The following NELL1 variants were observed in gnomAD, a reference collection of about 807,000 sequenced individuals.
NELL1 encodes the protein protein kinase C-binding protein NELL1.
A neutral mutation model predicts 107.4 loss-of-function variants in NELL1; 76 were observed. That is an observed-to-expected ratio of 0.71 (90% CI 0.59 to 0.86). NELL1 has a LOEUF of 0.86. Among genes scored for constraint, NELL1 ranks in the 40% least tolerant of loss-of-function variants. The pLI is 0.00. For synonymous variants in NELL1, 353 were observed against 341.2 expected, an observed-to-expected ratio of 1.03 and a Z score of -0.38; for missense variants, 1,024 against 1,005.5, an observed-to-expected ratio of 1.02 and a Z score of -0.25.
intron 12 of NELL1, among the ~76,000 whole-genome samples, chr11:21,068,599 A>G (rs1168256092): frequency 6.6e-6 from 1 of 152,176 alleles, no homozygotes; most frequent in Non-Finnish European, 1.5e-5. Context: ...GAAAACACAC[A>G]TAATACTTGA....
chr11:21,241,565 A>G (rs1052238882), intron 14 of NELL1, among the ~76,000 whole-genome samples: 2 of 152,112 alleles, frequency 1.3e-5, no homozygotes, highest in Non-Finnish European at 2.9e-5. Context: ...TAAGGCAACA[A>G]AGGATAAATT....
intron 12 of NELL1, among the ~76,000 whole-genome samples, chr11:21,005,160 C>T (rs1852302948): frequency 6.6e-6 from 1 of 152,104 alleles, no homozygotes; most frequent in South Asian, 2.1e-4. Flanking sequence ...ATTATATTTA[C>T]CAACATGAGT....
intron 15 of NELL1, among the ~76,000 whole-genome samples, chr11:21,396,218 G>A (rs543408360): frequency 5.9e-5 from 9 of 151,628 alleles, no homozygotes; most frequent in East Asian, 2.0e-4. Context: ...CACTAATCTC[G>A]TAGGACAGGA....
At chr11:21,018,007 C>T (rs1852608865) in intron 12 of NELL1, among the ~76,000 whole-genome samples, 1 of 152,062 alleles carries the variant, frequency 6.6e-6, no homozygotes, top group African/African-American at 2.4e-5. Flanking sequence ...GCTATTCCAT[C>T]TGCTGGGGAG....
intron 14 of NELL1, among the ~76,000 whole-genome samples, chr11:21,287,285 C>T (rs535232273): frequency 6.6e-6 from 1 of 152,190 alleles, no homozygotes; most frequent in South Asian, 2.1e-4. Context: ...TTGGTAACTT[C>T]CTAATTTCTC....
intron 15 of NELL1, among the ~76,000 whole-genome samples, chr11:21,426,050 A>G (rs1852814128): frequency 6.6e-6 from 1 of 152,188 alleles, no homozygotes; most frequent in Non-Finnish European, 1.5e-5. Flanking sequence ...CTGTTTATCT[A>G]TTGTGTAGGA....
intron 12 of NELL1, among the ~76,000 whole-genome samples, chr11:20,978,413 C>T (rs1851683768): frequency 6.6e-6 from 1 of 151,034 alleles, no homozygotes; most frequent in Non-Finnish European, 1.5e-5. Flanking sequence ...AATCCTAATC[C>T]AATATTATAT....
At chr11:20,988,694 C>G (rs545130389) in intron 12 of NELL1, among the ~76,000 whole-genome samples, 1 of 151,728 alleles carries the variant, frequency 6.6e-6, no homozygotes, top group East Asian at 2.0e-4. Flanking sequence ...GGGTTCACGC[C>G]ATTCTCCTGC....
rs376853881 is a variant in NELL1, at chr11:20,992,993, T to C, written c.1300+32433T>C. On this transcript the variant is annotated intron_variant, in intron 12 of 19. Coordinates refer to ENST00000357134, the MANE Select transcript of NELL1 (RefSeq NM_006157.5). The stretch of plus-strand genomic sequence containing the variant: ...CTCCCAAAGTGCAAAAGTGGCATTT[T>C]TGACCACCTTCTAGAAGCTTTGTGT... 6.6e-5 allele frequency among the ~76,000 whole-genome samples: 10 copies of C among 152,248 alleles called. No homozygotes were observed. In the East Asian group the frequency reaches 1.4e-3, roughly 21 times the overall value.
chr11:21,121,858 AC>A (rs1352112650), intron 13 of NELL1, among the ~76,000 whole-genome samples: 4 of 152,268 alleles, frequency 2.6e-5, no homozygotes, highest in Admixed American at 1.3e-4. Flanking sequence ...GTTTTTCCAG[AC>A]CAATTTTAGT....
intron 14 of NELL1, among the ~76,000 whole-genome samples, chr11:21,337,837 T>TTTCTTGCTTGCTTTCTTTCTTTC (rs71034505): frequency 1.2e-5 from 1 of 86,616 alleles, no homozygotes; most frequent in Non-Finnish European, 2.3e-5. Context: ...TCTTTCTTTC[T>TTTCTTGCTTGCTTTCTTTCTTTC]TTTCTTTCTT....
At chr11:21,143,586 C>T (rs190086478) in intron 13 of NELL1, among the ~76,000 whole-genome samples, 299 of 152,252 alleles carry the variant, frequency 2.0e-3, no homozygotes, top group African/African-American at 6.9e-3. Context: ...CTTCTTCAAA[C>T]ATAAATATAT....
At chr11:20,749,049 T>A (rs762423392) in intron 2 of NELL1, among the ~76,000 whole-genome samples, 5 of 151,946 alleles carry the variant, frequency 3.3e-5, no homozygotes, top group Non-Finnish European at 7.3e-5. Flanking sequence ...AGACAAAACC[T>A]CTACTCTCAT....
intron 2 of NELL1, among the ~76,000 whole-genome samples, chr11:20,706,933 A>G (rs1227428971): frequency 6.6e-6 from 1 of 152,110 alleles, no homozygotes; most frequent in Non-Finnish European, 1.5e-5. Context: ...CTGCCTTGTT[A>G]GGTTGGGGAA....
intron 18 of NELL1, among the ~76,000 whole-genome samples, chr11:21,572,371 T>C (rs1351329074): frequency 2.0e-5 from 3 of 150,604 alleles, no homozygotes; most frequent in African/African-American, 5.0e-5. Flanking sequence ...TTCAAGACTT[T>C]TCATGTGCCA....
intron 2 of NELL1, among the ~76,000 whole-genome samples, chr11:20,750,134 C>T (rs890475037): frequency 1.3e-5 from 2 of 152,038 alleles, no homozygotes; most frequent in African/African-American, 4.8e-5. Context: ...GCCATTCAAA[C>T]GTATATTTAG....
At chr11:20,677,641 T>C (rs1308187188) in intron 1 of NELL1, among the ~76,000 whole-genome samples, 2 of 152,200 alleles carry the variant, frequency 1.3e-5, no homozygotes, top group Admixed American at 6.5e-5. Context: ...CATATTACCT[T>C]TCTAACACAT....
chr11:20,705,314 G>C (rs887065994), intron 2 of NELL1, among the ~76,000 whole-genome samples: 4 of 152,082 alleles, frequency 2.6e-5, no homozygotes, highest in African/African-American at 7.2e-5. Context: ...TACCAAAACA[G>C]AGATATAGAC....
chr11:21,295,651 G>A (rs1384166223), intron 14 of NELL1, among the ~76,000 whole-genome samples: 2 of 152,142 alleles, frequency 1.3e-5, no homozygotes, highest in East Asian at 3.9e-4. Flanking sequence ...AATTTCTGCA[G>A]GAAGCTGATT....
Sources: gnomAD v4.1 joint callset for allele counts (sites outside exome capture counted in the v4.1 genomes callset) on GRCh38, gnomAD v4.1.1 for gene constraint, MANE v1.5 for transcripts, NCBI Gene and HGNC (gene_info 2026-07-23, HGNC 2026-07-21) for gene names.